Variants in PABPC4L observed in about 807,000 individuals in gnomAD.
PABPC4L encodes poly(A) binding protein cytoplasmic 4 like.
For synonymous variants in PABPC4L, 169 were observed against 164.1 expected, an observed-to-expected ratio of 1.03 and a Z score of -0.23; for missense variants, 452 against 451.4, an observed-to-expected ratio of 1.00 and a Z score of -0.01.
chr4:134,118,110 C>T, the PABPC4L span, among the ~76,000 whole-genome samples: 1 of 151,812 alleles, frequency 6.6e-6, no homozygotes, highest in Non-Finnish European at 1.5e-5. Context: ...ATGCTGCTTT[C>T]TCTGCCATGA....
chr4:133,969,079 A>G, the PABPC4L span, among the ~76,000 whole-genome samples: 2 of 151,640 alleles, frequency 1.3e-5, no homozygotes, highest in African/African-American at 4.8e-5. Context: ...ATAAATTCAA[A>G]TCTCTCTCTC....
chr4:134,091,946 T>C, the PABPC4L span, among the ~76,000 whole-genome samples: 2 of 152,078 alleles, frequency 1.3e-5, no homozygotes, highest in African/African-American at 4.8e-5. Flanking sequence ...GTAATAATGA[T>C]CTGGCTTTAT....
the PABPC4L span, among the ~76,000 whole-genome samples, chr4:134,017,201 T>G: frequency 6.6e-6 from 1 of 152,150 alleles, no homozygotes; most frequent in Non-Finnish European, 1.5e-5. Flanking sequence ...CTAATGGTCT[T>G]TTAAAAACAC....
chr4:134,044,369 T>C, the PABPC4L span, among the ~76,000 whole-genome samples: 20 of 152,172 alleles, frequency 1.3e-4, 1 homozygote, highest in African/African-American at 4.3e-4. Context: ...GTTCACAGCA[T>C]TCTCCTGCCT....
chr4:133,984,388 G>C, the PABPC4L span, among the ~76,000 whole-genome samples: 1 of 151,778 alleles, frequency 6.6e-6, no homozygotes, highest in Admixed American at 6.6e-5. Context: ...ATAAAATATA[G>C]TTAAAGGTGT....
chr4:133,962,667 A>G, the PABPC4L span, among the ~76,000 whole-genome samples: 1 of 152,130 alleles, frequency 6.6e-6, no homozygotes, highest in Non-Finnish European at 1.5e-5. Context: ...GCTTGAAGGG[A>G]TTGGGGCTAG....
chr4:134,016,430 C>T, the PABPC4L span, among the ~76,000 whole-genome samples: 25 of 152,182 alleles, frequency 1.6e-4, no homozygotes, highest in Non-Finnish European at 3.5e-4. Context: ...GAGTCATTCA[C>T]TGCAAAGGCC....
the PABPC4L span, among the ~76,000 whole-genome samples, chr4:134,098,543 T>C: frequency 2.5e-3 from 373 of 151,878 alleles, 1 homozygote; most frequent in African/African-American, 8.5e-3. Context: ...ATATTTGAGT[T>C]ACTGATTTAG....
intron 1 of PABPC4L, 94 bp from the exon 2 acceptor site, chr4:134,201,339 A>T: frequency 7.9e-7 from 1 of 1,261,048 alleles, no homozygotes; most frequent in Non-Finnish European, 1.0e-6. Flanking sequence ...CCTCCATCTG[A>T]GCATTCTCCA....
chr4:134,016,417 C>T, the PABPC4L span, among the ~76,000 whole-genome samples: 1 of 152,150 alleles, frequency 6.6e-6, no homozygotes, highest in Admixed American at 6.5e-5. Context: ...CTAAAGGAAG[C>T]TAGAGTCATT....
chr4:133,957,618 A>T, the PABPC4L span, among the ~76,000 whole-genome samples: 5 of 152,208 alleles, frequency 3.3e-5, no homozygotes, highest in Admixed American at 3.3e-4. Context: ...CCAACCCCAC[A>T]TTCTCTTTCT....
the PABPC4L span, among the ~76,000 whole-genome samples, chr4:134,154,613 T>G: frequency 5.2e-3 from 784 of 152,222 alleles, 8 homozygotes; most frequent in South Asian, 0.015. Context: ...CTTTTAAAAC[T>G]TCACATTTGG....
the PABPC4L span, among the ~76,000 whole-genome samples, chr4:134,110,640 C>A: frequency 1.3e-5 from 2 of 149,644 alleles, no homozygotes; most frequent in African/African-American, 2.5e-5. Context: ...GGTTCTAGGA[C>A]CTTCTGTGGA....
At chr4:134,090,205 A>G in the PABPC4L span, among the ~76,000 whole-genome samples, 3 of 152,048 alleles carry the variant, frequency 2.0e-5, no homozygotes, top group Non-Finnish European at 2.9e-5. Context: ...AAATCCAGTT[A>G]TTTGAGATGT....
At chr4:134,165,638 G>C in the PABPC4L span, among the ~76,000 whole-genome samples, 1 of 152,132 alleles carries the variant, frequency 6.6e-6, no homozygotes, top group African/African-American at 2.4e-5. Flanking sequence ...AAAAACAATA[G>C]ATGTTGTCAT....
At chr4:133,954,338 T>A in the PABPC4L span, among the ~76,000 whole-genome samples, 124 of 152,314 alleles carry the variant, frequency 8.1e-4, no homozygotes, top group African/African-American at 2.9e-3. Context: ...ATTACCTGAT[T>A]CAACAAAGAG....
chr4:134,040,028 C>A, the PABPC4L span, among the ~76,000 whole-genome samples: 1 of 151,780 alleles, frequency 6.6e-6, no homozygotes. Context: ...AGGGCCTCTT[C>A]GAGGAGAGCT....
At chr4:134,121,566 A>G in the PABPC4L span, among the ~76,000 whole-genome samples, 2 of 151,752 alleles carry the variant, frequency 1.3e-5, no homozygotes, top group Admixed American at 1.3e-4. Context: ...ATAGCTTCCC[A>G]TAGGTCTCAA....
At chr4:134,026,126 T>C in the PABPC4L span, among the ~76,000 whole-genome samples, 2 of 152,316 alleles carry the variant, frequency 1.3e-5, no homozygotes, top group Non-Finnish European at 2.9e-5. Flanking sequence ...AGTTTATAAT[T>C]GGCACTTGTA....
Sources: gnomAD v4.1 joint callset for allele counts (sites outside exome capture counted in the v4.1 genomes callset) on GRCh38, gnomAD v4.1.1 for gene constraint, MANE v1.5 for transcripts, NCBI Gene and HGNC (gene_info 2026-07-23, HGNC 2026-07-21) for gene names.